The following INSL6 variants were observed in gnomAD, a reference collection of about 807,000 sequenced individuals.
INSL6 encodes insulin-like peptide INSL6.
In INSL6, 16 loss-of-function variants were observed where a neutral mutation model predicts 9.4. That is an observed-to-expected ratio of 1.70 (90% confidence interval 1.15 to 2.59). The LOEUF is 2.59. Ranked by LOEUF, INSL6 falls within the 30% of genes most tolerant of loss-of-function variation. The probability of loss-of-function intolerance (pLI) is 0.00; values close to 1 mark genes in which losing one functional copy is unlikely to be tolerated. For missense variants in INSL6, 391 were observed against 257.3 expected, an observed-to-expected ratio of 1.52 and a Z score of -3.56; for synonymous variants, 154 against 96.9, an observed-to-expected ratio of 1.59 and a Z score of -3.46.
At chr9:5,062,837 T>C in the INSL6 span, among the ~76,000 whole-genome samples, 29 of 152,176 alleles carry the variant, frequency 1.9e-4, no homozygotes, top group Non-Finnish European at 2.2e-4. Context: ...CAATACCTCA[T>C]GTGTTTATAG....
chr9:5,094,777 C>T, the INSL6 span: 1 of 152,030 alleles, frequency 6.6e-6, no homozygotes, highest in Non-Finnish European at 1.5e-5. Flanking sequence ...GTATAAATGC[C>T]CTGACTACTA....
At chr9:5,082,553 C>G in the INSL6 span, among the ~76,000 whole-genome samples, 2 of 152,236 alleles carry the variant, frequency 1.3e-5, no homozygotes, top group Non-Finnish European at 1.5e-5. Flanking sequence ...TGGCCTTCCT[C>G]TTTTACTAAT....
chr9:5,077,808 T>C, the INSL6 span, among the ~76,000 whole-genome samples: 1 of 152,232 alleles, frequency 6.6e-6, no homozygotes, highest in Non-Finnish European at 1.5e-5. Context: ...GAACTACTAA[T>C]AGACAATCTG....
intron 1 of INSL6, among the ~76,000 whole-genome samples, chr9:5,176,039 C>T (rs894640671): frequency 2.0e-5 from 3 of 152,166 alleles, no homozygotes; most frequent in Non-Finnish European, 4.4e-5. Flanking sequence ...TTGGGGATTA[C>T]TGGCCTAAAA....
At chr9:5,002,784 A>G in the INSL6 span, among the ~76,000 whole-genome samples, 2 of 151,928 alleles carry the variant, frequency 1.3e-5, no homozygotes, top group African/African-American at 4.8e-5. Context: ...TGTAATTGGA[A>G]ACTATTATTG....
At chr9:5,095,285 C>A in the INSL6 span, among the ~76,000 whole-genome samples, 1 of 151,850 alleles carries the variant, frequency 6.6e-6, no homozygotes, top group Non-Finnish European at 1.5e-5. Flanking sequence ...ACCCTCATCA[C>A]AATGCTACGC....
At chr9:5,029,707 A>G in the INSL6 span, 8 of 1,328,028 alleles carry the variant, frequency 6.0e-6, no homozygotes, top group Non-Finnish European at 8.2e-6. Context: ...CTTTAGCTTC[A>G]TTTCAAATTA....
chr9:5,075,200 G>C, the INSL6 span, among the ~76,000 whole-genome samples: 8 of 151,680 alleles, frequency 5.3e-5, no homozygotes, highest in African/African-American at 1.9e-4. Flanking sequence ...ATAAGTGCAA[G>C]GTGAAGCAGC....
chr9:5,037,666 A>T, the INSL6 span, among the ~76,000 whole-genome samples: 239 of 152,256 alleles, frequency 1.6e-3, 2 homozygotes, highest in East Asian at 0.021. Flanking sequence ...ATGAGAACAC[A>T]TGGACACAGG....
At chr9:5,040,869 C>T in the INSL6 span, 2 of 239,350 alleles carry the variant, frequency 8.4e-6, no homozygotes, top group East Asian at 1.4e-4. Context: ...GGGGCCGGAG[C>T]GCGGATCCGC....
chr9:5,021,935 T>G, the INSL6 span: 2 of 1,368,488 alleles, frequency 1.5e-6, no homozygotes, highest in African/African-American at 1.4e-5. Flanking sequence ...GCCCAGCCCA[T>G]TTGTAACTTT....
At chr9:5,106,079 A>C in the INSL6 span, among the ~76,000 whole-genome samples, 1 of 152,338 alleles carries the variant, frequency 6.6e-6, no homozygotes, top group African/African-American at 2.4e-5. Flanking sequence ...TAATTCAACT[A>C]AACAGCTGCA....
At chr9:5,069,862 C>G in the INSL6 span, 1 of 1,139,346 alleles carries the variant, frequency 8.8e-7, no homozygotes, top group Non-Finnish European at 1.2e-6. Context: ...TTTTACTCCT[C>G]TTTGGAGCAA....
chr9:5,114,544 G>A, the INSL6 span: 290 of 474,544 alleles, frequency 6.1e-4, 3 homozygotes, highest in South Asian at 4.2e-3. Flanking sequence ...CAGGACAAGC[G>A]CACCCTCACC....
chr9:5,178,375 G>C (rs1289197963), intron 1 of INSL6, among the ~76,000 whole-genome samples: 1 of 152,182 alleles, frequency 6.6e-6, no homozygotes, highest in Non-Finnish European at 1.5e-5. Context: ...CATGAGAAAG[G>C]GTTCCCCAGA....
intron 3 of INSL6, among the ~76,000 whole-genome samples, chr9:5,130,457 TAAG>T (rs1191719533): frequency 6.6e-6 from 1 of 152,138 alleles, no homozygotes; most frequent in African/African-American, 2.4e-5. Flanking sequence ...AACAGGCAGC[TAAG>T]AAGGCAAATT....
chr9:5,098,160 C>G, the INSL6 span: 1 of 152,138 alleles, frequency 6.6e-6, no homozygotes. Context: ...TGTCCACCAC[C>G]TTACCACACA....
At chr9:5,024,560 T>C in the INSL6 span, among the ~76,000 whole-genome samples, 18 of 152,196 alleles carry the variant, frequency 1.2e-4, no homozygotes, top group Non-Finnish European at 2.4e-4. Flanking sequence ...TGGGCATGCA[T>C]ATGGCTTTTC....
At chr9:4,994,138 A>C in the INSL6 span, among the ~76,000 whole-genome samples, 1 of 152,190 alleles carries the variant, frequency 6.6e-6, no homozygotes, top group Non-Finnish European at 1.5e-5. Context: ...TTCAGTGTTT[A>C]ATAATCAGAG....
Sources: gnomAD v4.1 joint callset for allele counts (sites outside exome capture counted in the v4.1 genomes callset) on GRCh38, gnomAD v4.1.1 for gene constraint, MANE v1.5 for transcripts, NCBI Gene and HGNC (gene_info 2026-07-23, HGNC 2026-07-21) for gene names.